Variants in ZSWIM3 observed in about 807,000 individuals in gnomAD.
The protein encoded by ZSWIM3 is zinc finger SWIM domain-containing protein 3.
In ZSWIM3, 27 loss-of-function variants were observed where a neutral mutation model predicts 47.5. The observed-to-expected ratio is 0.57, with a 90% CI of 0.42 to 0.78. The LOEUF is 0.78. Among genes scored for constraint, ZSWIM3 ranks in the 30% least tolerant of loss-of-function variants. The probability of loss-of-function intolerance (pLI) is 0.00; values close to 1 mark genes in which losing one functional copy is unlikely to be tolerated. For synonymous variants in ZSWIM3, 333 were observed against 333.9 expected, an observed-to-expected ratio of 1.00 and a Z score of 0.03; for missense variants, 689 against 861.3, an observed-to-expected ratio of 0.80 and a Z score of 2.50.
At chr20:45,864,908 C>T (rs1473604870) in intron 1 of ZSWIM3, among the ~76,000 whole-genome samples, 1 of 152,058 alleles carries the variant, frequency 6.6e-6, no homozygotes, top group Non-Finnish European at 1.5e-5. Flanking sequence ...TGGTGGCTCA[C>T]GCCTGTAATC....
chr20:45,866,514 A>G (rs549916194), intron 1 of ZSWIM3, among the ~76,000 whole-genome samples: 2 of 151,972 alleles, frequency 1.3e-5, no homozygotes, highest in East Asian at 3.9e-4. Flanking sequence ...GGGGATGATT[A>G]AGGAAATTCA....
At chr20:45,870,515 G>A (rs1375914226) in intron 1 of ZSWIM3, among the ~76,000 whole-genome samples, 2 of 152,100 alleles carry the variant, frequency 1.3e-5, no homozygotes, top group Non-Finnish European at 2.9e-5. Flanking sequence ...AGAAAAGAAG[G>A]GACAAAGGTT....
chr20:45,862,437 CCA>C (rs1985733189), intron 1 of ZSWIM3, among the ~76,000 whole-genome samples: 1 of 151,870 alleles, frequency 6.6e-6, no homozygotes, highest in African/African-American at 2.4e-5. Context: ...GCCACCGTGC[CCA>C]GTCTGCATTA....
At chr20:45,870,060 A>AAG (rs1275129113) in intron 1 of ZSWIM3, among the ~76,000 whole-genome samples, 1 of 149,710 alleles carries the variant, frequency 6.7e-6, no homozygotes, top group East Asian at 2.0e-4. Flanking sequence ...AAAAAAAAAA[A>AAG]AAAGAAAAGG....
intron 1 of ZSWIM3, among the ~76,000 whole-genome samples, chr20:45,865,386 G>A (rs1985813340): frequency 6.6e-6 from 1 of 151,972 alleles, no homozygotes; most frequent in African/African-American, 2.4e-5. Context: ...TACTCAGAAG[G>A]CTGAGGCAGG....
At chr20:45,862,460 CTATT>C (rs1033955476) in intron 1 of ZSWIM3, among the ~76,000 whole-genome samples, 34 of 151,586 alleles carry the variant, frequency 2.2e-4, no homozygotes, top group African/African-American at 8.2e-4. Context: ...TCTTTTTTAT[CTATT>C]TATTTATTTC....
Position 45,877,136 on chromosome 20 carries a change from G to C in ZSWIM3, c.578G>C (p.Ser193Thr). Residue 193 changes from serine to threonine, a missense_variant, in exon 2 of 2, where the codon AGT becomes ACT. Coordinates refer to ENST00000255152, the MANE Select transcript of ZSWIM3 (RefSeq NM_080752.4). ...GATGAGGGTTCCATGGCTTCCTTCA[G>C]TGTGGGTGACAGCCAGCACCTGGAC... ...KVDEGSMASF[S>T]VGDSQHLDRL... 6.2e-7 allele frequency: 1 copy of C among 1,614,186 alleles called. No individual in the cohort carries two copies. Among genetic ancestry groups the C allele is most frequent in the Non-Finnish European group, 8.5e-7 (1 of 1,180,050 alleles).
chr20:45,878,422 C>T lies in ZSWIM3; in HGVS notation c.1864C>T (p.Leu622=), dbSNP rs6032571. ...KQGRNDMIQD[L]SRELANLLMQ... ...AGGACGGAACGACATGATTCAGGAC[C>T]TAAGCAGGGAGTTAGCAAACCTGCT... Residue 622 remains leucine, a synonymous_variant, in exon 2 of 2, where the codon CTA becomes TTA. Coordinates refer to ENST00000255152, the MANE Select transcript of ZSWIM3 (RefSeq NM_080752.4). 6.2e-7 allele frequency: 1 copy of T among 1,614,088 alleles called. No individual in the cohort carries two copies. The highest frequency in any genetic ancestry group is 1.3e-5 in the African/African-American group (1 of 74,944).
chr20:45,868,948 C>A (rs146153465), intron 1 of ZSWIM3, among the ~76,000 whole-genome samples: 2,590 of 150,818 alleles, frequency 0.017, 39 homozygotes, highest in Middle Eastern at 0.028. Flanking sequence ...ATTACAGGCA[C>A]AAGCCATCAT....
At chr20:45,865,864 G>A (rs6124751) in intron 1 of ZSWIM3, among the ~76,000 whole-genome samples, 78,868 of 151,190 alleles carry the variant, frequency 0.52, 21,019 homozygotes, top group Admixed American at 0.6. Flanking sequence ...GTGGTGGCAG[G>A]CGCCTGTAAT....
At chr20:45,866,256 C>T (rs750156662) in intron 1 of ZSWIM3, among the ~76,000 whole-genome samples, 31 of 152,220 alleles carry the variant, frequency 2.0e-4, no homozygotes, top group Non-Finnish European at 3.7e-4. Context: ...TGAGATCTCA[C>T]CACTGCACTC....
At chr20:45,872,763 T>G (rs1972347641) in intron 1 of ZSWIM3, 1 of 1,289,308 alleles carries the variant, frequency 7.8e-7, no homozygotes, top group African/African-American at 1.5e-5. Context: ...ACTACTGGAC[T>G]GCTCCAGCCC....
chr20:45,861,931 G>A (rs1295672503), intron 1 of ZSWIM3, among the ~76,000 whole-genome samples: 2 of 151,498 alleles, frequency 1.3e-5, no homozygotes, highest in Non-Finnish European at 2.9e-5. Flanking sequence ...TTTGGGCCAG[G>A]CACAATTCAA....
chr20:45,875,892 C>G (rs1317791024), intron 1 of ZSWIM3, among the ~76,000 whole-genome samples: 1 of 151,648 alleles, frequency 6.6e-6, no homozygotes, highest in Non-Finnish European at 1.5e-5. Context: ...AGTGCAGTGG[C>G]ACAAATCAGA....
Position 45,876,668 on chromosome 20 carries a change from G to A in ZSWIM3, c.156-46G>A, listed in dbSNP as rs116450250. The stretch of plus-strand genomic sequence containing the variant: ...TCAGGGTCTTATCTTTATAAGGGGT[G>A]GGGGGTGGTCAGCACCTTTCTCATT... On this transcript the variant is annotated intron_variant, in intron 1 of 1. Transcript: ENST00000255152. 1.0e-4 allele frequency: 161 copies of A among 1,571,500 alleles called. No homozygotes were observed. The African/African-American group carries it at 1.7e-3, about 16-fold the overall frequency.
intron 1 of ZSWIM3, among the ~76,000 whole-genome samples, chr20:45,872,038 CA>C (rs1466727304): frequency 6.6e-6 from 1 of 152,142 alleles, no homozygotes; most frequent in African/African-American, 2.4e-5. Context: ...GACAAACAAG[CA>C]GTACAAATCC....
At chr20:45,868,532 G>A (rs1276530411) in intron 1 of ZSWIM3, among the ~76,000 whole-genome samples, 1 of 151,854 alleles carries the variant, frequency 6.6e-6, no homozygotes, top group Non-Finnish European at 1.5e-5. Context: ...ACAGGCATGC[G>A]CCACCACACC....
In ZSWIM3 at chr20:45,877,631, T is replaced by TGGATGAGG; in HGVS notation, c.1074_1081dup (p.Asp361GlyfsTer38). The TGGATGAGG allele has an allele frequency of 6.2e-7, 1 of 1,614,216 alleles. No individual in the cohort carries two copies. On this transcript the variant is annotated frameshift_variant, in exon 2 of 2. Transcript: ENST00000255152. LOFTEE classifies it high-confidence loss of function. ...CTCTGCCAGATGTCCCAGGCCGTAC[T>TGGATGAGG]GGATGAGGATCTCTTCAACTTCCTG...
At chr20:45,864,551 A>C (rs986407633) in intron 1 of ZSWIM3, among the ~76,000 whole-genome samples, 2 of 152,242 alleles carry the variant, frequency 1.3e-5, no homozygotes, top group Non-Finnish European at 2.9e-5. Context: ...AGCAAAGTAA[A>C]GCAAGTGAAC....
Sources: allele counts gnomAD v4.1 joint callset (sites outside exome capture counted in the v4.1 genomes callset), GRCh38; gene constraint gnomAD v4.1.1; transcripts MANE v1.5; gene names NCBI Gene and HGNC (gene_info 2026-07-23, HGNC 2026-07-21).